Variants in RAD51B observed in about 807,000 individuals in gnomAD.
RAD51B encodes the protein DNA repair protein RAD51 homolog 2.
RAD51B carries 38 observed loss-of-function variants against 42.2 expected under a neutral mutation model. That is an observed-to-expected ratio of 0.90 (90% CI 0.70 to 1.18). The LOEUF is 1.18. Ranked by LOEUF, RAD51B falls within the 50% of genes most tolerant of loss-of-function variation. RAD51B has a pLI of 0.00. For synonymous variants in RAD51B, 154 were observed against 145.2 expected (o/e 1.06, Z -0.43); for missense variants, 373 against 400.7 (o/e 0.93, Z 0.59).
chr14:68,187,872 T>G (rs1209410790), intron 7 of RAD51B, among the ~76,000 whole-genome samples: 2 of 152,190 alleles, frequency 1.3e-5, no homozygotes, highest in Non-Finnish European at 2.9e-5. Flanking sequence ...TGGAGTGCAG[T>G]GGCGCAATCT....
At chr14:68,147,661 C>G (rs2078280259) in intron 7 of RAD51B, among the ~76,000 whole-genome samples, 1 of 151,912 alleles carries the variant, frequency 6.6e-6, no homozygotes, top group South Asian at 2.1e-4. Flanking sequence ...ATTAGGTTTT[C>G]AATAAATATT....
chr14:68,112,081 T>C (rs1342213270), intron 7 of RAD51B, among the ~76,000 whole-genome samples: 1 of 151,998 alleles, frequency 6.6e-6, no homozygotes, highest in African/African-American at 2.4e-5. Context: ...TTACATGGAG[T>C]TACCTTTAAA....
At chr14:67,908,862 C>A (rs1260078345) in intron 7 of RAD51B, 1 of 151,966 alleles carries the variant, frequency 6.6e-6, no homozygotes, top group African/African-American at 2.4e-5. Flanking sequence ...GGGTGAGTAC[C>A]CCTGGGGGTC....
intron 7 of RAD51B, among the ~76,000 whole-genome samples, chr14:67,899,310 A>G (rs913788841): frequency 6.6e-6 from 1 of 152,030 alleles, no homozygotes; most frequent in Non-Finnish European, 1.5e-5. Context: ...TGGCCTCCCA[A>G]AGTGCTGGGA....
chr14:68,353,956 G>C (rs1006959490), intron 8 of RAD51B, among the ~76,000 whole-genome samples: 1 of 152,154 alleles, frequency 6.6e-6, no homozygotes, highest in South Asian at 2.1e-4. Context: ...TAAGTCACAT[G>C]TATACGTTCC....
At chr14:68,584,645 C>T (rs1202719173) in intron 10 of RAD51B, among the ~76,000 whole-genome samples, 1 of 152,168 alleles carries the variant, frequency 6.6e-6, no homozygotes, top group Non-Finnish European at 1.5e-5. Context: ...AAATCGCTTT[C>T]GTCCTTCAAG....
intron 7 of RAD51B, among the ~76,000 whole-genome samples, chr14:67,980,304 G>A (rs113625388): frequency 9.9e-5 from 15 of 152,252 alleles, no homozygotes; most frequent in African/African-American, 3.6e-4. Context: ...AATTAGCTGG[G>A]CGTGCTGGCG....
intron 7 of RAD51B, among the ~76,000 whole-genome samples, chr14:68,041,359 G>GTC: frequency 6.6e-6 from 1 of 152,184 alleles, no homozygotes; most frequent in East Asian, 1.9e-4. Flanking sequence ...CAGTCTCCTT[G>GTC]TCTCTCTGTA....
At chr14:68,189,563 C>A (rs2079222317) in intron 7 of RAD51B, among the ~76,000 whole-genome samples, 1 of 152,070 alleles carries the variant, frequency 6.6e-6, no homozygotes, top group Non-Finnish European at 1.5e-5. Context: ...AATCTTAAGA[C>A]TTGAGGTATT....
chr14:68,026,160 A>G (rs1464828629), intron 7 of RAD51B, among the ~76,000 whole-genome samples: 1 of 152,000 alleles, frequency 6.6e-6, no homozygotes, highest in East Asian at 1.9e-4. Flanking sequence ...TAATTTTGAG[A>G]GATCTTGTTG....
At chr14:68,170,069 G>C (rs1390410850) in intron 7 of RAD51B, among the ~76,000 whole-genome samples, 1 of 152,132 alleles carries the variant, frequency 6.6e-6, no homozygotes. Flanking sequence ...GTGAAGTCCA[G>C]TTTTCTGACT....
At chr14:68,274,557 A>G (rs1359253158) in intron 7 of RAD51B, among the ~76,000 whole-genome samples, 1 of 152,222 alleles carries the variant, frequency 6.6e-6, no homozygotes, top group African/African-American at 2.4e-5. Flanking sequence ...TAGTTTAAAT[A>G]AGGACCTAAA....
intron 7 of RAD51B, among the ~76,000 whole-genome samples, chr14:68,086,431 G>C (rs1249398791): frequency 2.6e-5 from 4 of 152,154 alleles, no homozygotes; most frequent in African/African-American, 9.7e-5. Context: ...GGCTGTATTG[G>C]GAAATACAAC....
At chr14:68,457,440 T>G (rs772449807) in intron 9 of RAD51B, among the ~76,000 whole-genome samples, 6 of 152,210 alleles carry the variant, frequency 3.9e-5, no homozygotes, top group East Asian at 1.9e-4. Flanking sequence ...TAAATGCTTA[T>G]GTTAAAAAAT....
Position 68,359,548 on chromosome 14 carries a change from C to T in RAD51B, c.854-51876C>T, listed in dbSNP as rs74433922. ...ACAGCTGCTGCCTGAAATCACAGCG[C>T]GTGGGTACTGGGCAGCCAGACCAGA... On this transcript the variant is annotated intron_variant, in intron 8 of 10. Coordinates refer to ENST00000471583, the MANE Select transcript of RAD51B (RefSeq NM_133510.4). 8.9e-3 allele frequency among the ~76,000 whole-genome samples: 1,351 copies of T among 152,200 alleles called. 17 individuals carry two copies. Among genetic ancestry groups the T allele is most frequent in the African/African-American group, 0.031 (1,273 of 41,522 alleles).
At chr14:68,097,994 T>C (rs7149343) in intron 7 of RAD51B, among the ~76,000 whole-genome samples, 15,743 of 152,230 alleles carry the variant, frequency 0.1, 2,469 homozygotes, top group African/African-American at 0.34. Flanking sequence ...ACTGAAGCTT[T>C]ACCTGGAGAA....
chr14:68,371,874 A>T (rs1034696012), intron 8 of RAD51B, among the ~76,000 whole-genome samples: 1 of 152,250 alleles, frequency 6.6e-6, no homozygotes, highest in African/African-American at 2.4e-5. Context: ...ATAAGAAGAG[A>T]AAGATATGCA....
intron 7 of RAD51B, among the ~76,000 whole-genome samples, chr14:67,929,442 G>A (rs2044646528): frequency 6.6e-6 from 1 of 152,080 alleles, no homozygotes; most frequent in Non-Finnish European, 1.5e-5. Flanking sequence ...ATTCCATTGT[G>A]ATCTAAGATA....
At chr14:68,121,929 G>A (rs948995056) in intron 7 of RAD51B, among the ~76,000 whole-genome samples, 2 of 151,750 alleles carry the variant, frequency 1.3e-5, no homozygotes, top group Non-Finnish European at 2.9e-5. Flanking sequence ...TGTGGAAGGA[G>A]TATAAGATAT....
Sources: allele counts gnomAD v4.1 joint callset (sites outside exome capture counted in the v4.1 genomes callset), GRCh38; gene constraint gnomAD v4.1.1; transcripts MANE v1.5; gene names NCBI Gene and HGNC (gene_info 2026-07-23, HGNC 2026-07-21).